QRICH1: variants seen among roughly 807,000 people sequenced by gnomAD.
QRICH1 encodes glutamine rich 1, also known as transcriptional regulator QRICH1.
Under a neutral mutation model 87.1 loss-of-function variants are expected in QRICH1, and 16 were observed. The observed-to-expected ratio is 0.18, with a 90% CI of 0.12 to 0.28. QRICH1 has a LOEUF of 0.28. Among genes scored for constraint, QRICH1 ranks in the 10% least tolerant of loss-of-function variants. The pLI, the probability that QRICH1 is intolerant of heterozygous loss-of-function variation, is 1.00. For missense variants in QRICH1, 647 were observed against 951.7 expected, an observed-to-expected ratio of 0.68 and a Z score of 4.21; for synonymous variants, 367 against 368.4, an observed-to-expected ratio of 1.00 and a Z score of 0.05.
At chr3:49,038,639 G>A (rs1048123712) in intron 6 of QRICH1, among the ~76,000 whole-genome samples, 7 of 152,018 alleles carry the variant, frequency 4.6e-5, no homozygotes, top group Non-Finnish European at 1.0e-4. Context: ...GGCTGGTCTT[G>A]AACTCCTGAC....
intron 2 of QRICH1, among the ~76,000 whole-genome samples, chr3:49,059,475 A>G (rs2093422530): frequency 7.1e-6 from 1 of 140,056 alleles, no homozygotes; most frequent in South Asian, 2.4e-4. Flanking sequence ...GCTGGAGTGC[A>G]GTAGTATGAT....
intron 6 of QRICH1, among the ~76,000 whole-genome samples, chr3:49,033,982 C>A (rs1394180273): frequency 1.3e-5 from 2 of 149,924 alleles, no homozygotes; most frequent in African/African-American, 5.0e-5. Context: ...GCGAGACTCC[C>A]ATCTCAAAAA....
At chr3:49,032,928 C>A in intron 7 of QRICH1, 155 bp from the exon 8 acceptor site, 1 of 1,017,632 alleles carries the variant, frequency 9.8e-7, no homozygotes, top group Admixed American at 3.0e-5. Flanking sequence ...GGAACCACAT[C>A]AAGATGGATG....
At chr3:49,073,791 C>T (rs561866698) in intron 2 of QRICH1, among the ~76,000 whole-genome samples, 131 of 151,732 alleles carry the variant, frequency 8.6e-4, no homozygotes, top group African/African-American at 2.8e-3. Context: ...AGACCATAGG[C>T]GTGCATCACC....
chr3:49,041,114 C>T (rs769521316), intron 6 of QRICH1, among the ~76,000 whole-genome samples: 14 of 152,028 alleles, frequency 9.2e-5, no homozygotes, highest in Non-Finnish European at 1.6e-4. Flanking sequence ...ATTACAGGCA[C>T]GTGCCACCAC....
intron 1 of QRICH1, among the ~76,000 whole-genome samples, chr3:49,081,449 A>G (rs978867017): frequency 2.6e-5 from 4 of 151,828 alleles, no homozygotes; most frequent in African/African-American, 2.4e-5. Context: ...CAGAGTATCT[A>G]TGGAGTTCTC....
chr3:49,046,684 G>A (rs924423887), intron 4 of QRICH1, 105 bp from the exon 5 acceptor site: 4 of 1,222,110 alleles, frequency 3.3e-6, no homozygotes, highest in Non-Finnish European at 4.5e-6. Context: ...ATGCTCACTT[G>A]TATCTACTAG....
At chr3:49,091,342 A>G (rs1407322899) in intron 1 of QRICH1, among the ~76,000 whole-genome samples, 1 of 152,210 alleles carries the variant, frequency 6.6e-6, no homozygotes, top group Non-Finnish European at 1.5e-5. Flanking sequence ...AAAGCAGACA[A>G]GAAAGAAATA....
At chr3:49,055,214 T>C (rs749240374) in intron 3 of QRICH1, among the ~76,000 whole-genome samples, 10 of 152,194 alleles carry the variant, frequency 6.6e-5, no homozygotes, top group Non-Finnish European at 1.2e-4. Context: ...TTTGCTTAAT[T>C]AATCACTTAC....
chr3:49,064,636 T>A (rs2093456193), intron 2 of QRICH1, among the ~76,000 whole-genome samples: 1 of 151,796 alleles, frequency 6.6e-6, no homozygotes, highest in Non-Finnish European at 1.5e-5. Flanking sequence ...GAGGCCAAGG[T>A]GGGTGGATCA....
chr3:49,042,362 G>A (rs950479319), intron 6 of QRICH1, among the ~76,000 whole-genome samples: 3 of 152,120 alleles, frequency 2.0e-5, no homozygotes, highest in Non-Finnish European at 4.4e-5. Context: ...GCCTCCCAAA[G>A]TGCTGGAATT....
At chr3:49,068,602 A>G (rs1057058248) in intron 2 of QRICH1, among the ~76,000 whole-genome samples, 2 of 150,278 alleles carry the variant, frequency 1.3e-5, no homozygotes, top group Non-Finnish European at 3.0e-5. Context: ...TCCAGCATGG[A>G]TGACAGAGCC....
chr3:49,073,390 A>G (rs1170854431), intron 2 of QRICH1, among the ~76,000 whole-genome samples: 1 of 151,650 alleles, frequency 6.6e-6, no homozygotes, highest in Non-Finnish European at 1.5e-5. Context: ...AAAATACAAA[A>G]ATTAGCCGGC....
rs544818113 is a variant in QRICH1 at position 49,047,942 on chromosome 3, AAAAAC to A, written c.1339-701_1339-697del. On this transcript the variant is annotated intron_variant, in intron 3 of 9. Coordinates refer to ENST00000395443, the MANE Select transcript of QRICH1 (RefSeq NM_198880.3). ...CTCTGTCTCGAAAAAAGAAAAAAGA[AAAAAC>A]AAAACAAAACAAAAAAACTCCTCAA... 3.2e-3 allele frequency among the ~76,000 whole-genome samples: 486 copies of A among 152,282 alleles called. 1 individual carries two copies. Among genetic ancestry groups the A allele is most frequent in the African/African-American group, 0.011 (457 of 41,560 alleles).
Position 49,063,864 on chromosome 3 carries a change from A to T in QRICH1, c.310-5974T>A, listed in dbSNP as rs2093450014. ...CTTGTTTACATAGGTTATATCTAGTAATATTTACTTGTACTCTAAATTAAA... is the reference window on the plus strand; with the variant it reads ...CTTGTTTACATAGGTTATATCTAGTTATATTTACTTGTACTCTAAATTAAA... On this transcript the variant is annotated intron_variant, in intron 2 of 9. Coordinates refer to ENST00000395443, the MANE Select transcript of QRICH1 (RefSeq NM_198880.3). Among the ~76,000 whole-genome samples the T allele has an allele frequency of 3.3e-5, 5 of 152,298 alleles. No individual in the cohort carries two copies. In the South Asian group the frequency reaches 8.3e-4, roughly 25 times the overall value.
At chr3:49,084,615 C>T (rs2042132714) in intron 1 of QRICH1, among the ~76,000 whole-genome samples, 1 of 151,702 alleles carries the variant, frequency 6.6e-6, no homozygotes, top group Non-Finnish European at 1.5e-5. Context: ...AATACAAAAA[C>T]TAACAGGGCA....
chr3:49,083,886 G>A (rs990517782), intron 1 of QRICH1, among the ~76,000 whole-genome samples: 3 of 149,468 alleles, frequency 2.0e-5, no homozygotes, highest in Non-Finnish European at 3.0e-5. Context: ...TGCAACCTCC[G>A]TGCCCCCCAG....
intron 2 of QRICH1, among the ~76,000 whole-genome samples, chr3:49,074,498 G>A (rs2041909765): frequency 6.6e-6 from 1 of 151,742 alleles, no homozygotes; most frequent in South Asian, 2.1e-4. Flanking sequence ...CGTGAACCCG[G>A]GAGGCGGAGC....
At chr3:49,073,808 A>G (rs1175876489) in intron 2 of QRICH1, among the ~76,000 whole-genome samples, 1 of 151,536 alleles carries the variant, frequency 6.6e-6, no homozygotes, top group African/African-American at 2.4e-5. Flanking sequence ...CACCACACCC[A>G]GCTAATTTTT....
Sources: allele counts gnomAD v4.1 joint callset (sites outside exome capture counted in the v4.1 genomes callset), GRCh38; gene constraint gnomAD v4.1.1; transcripts MANE v1.5; gene names NCBI Gene and HGNC (gene_info 2026-07-23, HGNC 2026-07-21).